The following ZFC3H1 variants were observed in gnomAD, a reference collection of about 807,000 sequenced individuals.
The protein encoded by ZFC3H1 is zinc finger C3H1-type containing.
In ZFC3H1, 71 loss-of-function variants were observed where a neutral mutation model predicts 243.7. That is an observed-to-expected ratio of 0.29 (90% confidence interval 0.24 to 0.36). The LOEUF is 0.36. ZFC3H1 is among the 10% of genes least tolerant of loss of function. ZFC3H1 has a pLI of 1.00. For missense variants in ZFC3H1, 1,966 were observed against 2,317.1 expected (o/e 0.85, Z 3.11); for synonymous variants, 838 against 813.0 (o/e 1.03, Z -0.52).
chr12:71,620,348 G>A lies in ZFC3H1; in HGVS notation c.4745-33C>T, dbSNP rs374671805. ...AAAACATCACAACAACATGAATCAC[G>A]TCAATCATAAAAATGAAATATTTGA... On this transcript the variant is annotated intron_variant, in intron 24 of 34. Transcript: ENST00000378743. 3.0e-5 allele frequency: 48 copies of A among 1,598,406 alleles called. No individual in the cohort carries two copies. In the South Asian group the frequency reaches 4.0e-4, roughly 13 times the overall value.
rs540794889 is a variant in ZFC3H1, at chr12:71,642,449, T to C, written c.1614A>G (p.Glu538=). 85 of 1,612,454 alleles carry C rather than the reference T, an allele frequency of 5.3e-5. No individual in the cohort carries two copies. The South Asian group carries it at 8.8e-4, about 17-fold the overall frequency. Reference sequence around the variant, plus strand: ...TTTGGCTCATACCTGGAGAACTGGTTTCACTATCTGTATCCATAGCAACTT... The same window carrying C: ...TTTGGCTCATACCTGGAGAACTGGTCTCACTATCTGTATCCATAGCAACTT... ...YEEVAMDTDS[E]TSSPAPSPVQ... The change falls in exon 6 of 35, where the codon GAA becomes GAG. Residue 538 remains glutamate (E), a synonymous_variant. Coordinates refer to ENST00000378743, the MANE Select transcript of ZFC3H1 (RefSeq NM_144982.5).
At chr12:71,661,180 G>A (rs895458868) in intron 1 of ZFC3H1, among the ~76,000 whole-genome samples, 5 of 151,876 alleles carry the variant, frequency 3.3e-5, no homozygotes, top group African/African-American at 1.2e-4. Flanking sequence ...GCGGGCGCCT[G>A]TAGTCCCAGC....
In ZFC3H1 at chr12:71,661,381, C is replaced by T. The variant is rs895477932; in HGVS notation, c.598+1632G>A. Among the ~76,000 whole-genome samples, 3 of 152,014 alleles carry T rather than the reference C, an allele frequency of 2.0e-5. 1 individual carries two copies. The highest frequency in any genetic ancestry group is 4.4e-5 in the Non-Finnish European group (3 of 67,990). On this transcript the variant is annotated intron_variant, in intron 1 of 34. Transcript: ENST00000378743. ...TTCTGGCTTTTGGATTCAAAATAGA[C>T]CACAAATCCATGGATTAAGAAACAC...
intron 12 of ZFC3H1, 80 bp downstream of exon 12, chr12:71,634,075 C>G: frequency 7.3e-7 from 1 of 1,371,542 alleles, no homozygotes; most frequent in Non-Finnish European, 9.9e-7. Flanking sequence ...TCTTATAGTA[C>G]GCTTATTAAT....
intron 1 of ZFC3H1, among the ~76,000 whole-genome samples, chr12:71,662,023 A>G (rs1881191478): frequency 1.3e-5 from 2 of 152,246 alleles, no homozygotes; most frequent in South Asian, 4.1e-4. Context: ...TATAATAACG[A>G]AATTAAAAAT....
chr12:71,653,060 C>T (rs765348045), intron 2 of ZFC3H1, among the ~76,000 whole-genome samples: 1 of 151,588 alleles, frequency 6.6e-6, no homozygotes, highest in African/African-American at 2.4e-5. Flanking sequence ...AGAAATCAAA[C>T]CCCCAAAGAC....
intron 1 of ZFC3H1, chr12:71,660,398 T>C (rs565053459): frequency 6.6e-6 from 1 of 152,222 alleles, no homozygotes; most frequent in South Asian, 2.1e-4. Flanking sequence ...GAGCAGGACA[T>C]CAAAACAAGC....
rs965625980 is a variant in ZFC3H1, at chr12:71,661,278, C to T, written c.598+1735G>A. On this transcript the variant is annotated intron_variant, in intron 1 of 34. Coordinates refer to ENST00000378743, the MANE Select transcript of ZFC3H1 (RefSeq NM_144982.5). ...TCACACCACTGCACTCCAGCCTGGGCGACAGAGCGAGACTCTGTCTCAAAA... is the reference window on the plus strand; with the variant it reads ...TCACACCACTGCACTCCAGCCTGGGTGACAGAGCGAGACTCTGTCTCAAAA... 2.0e-5 allele frequency among the ~76,000 whole-genome samples: 3 copies of T among 151,334 alleles called. No individual in the cohort carries two copies. In the South Asian group the frequency reaches 6.2e-4, roughly 32 times the overall value.
chr12:71,611,011 G>A, intron 33 of ZFC3H1, 47 bp downstream of exon 33: 1 of 1,561,856 alleles, frequency 6.4e-7, no homozygotes, highest in East Asian at 2.3e-5. Flanking sequence ...AAAAGAGACA[G>A]AAAAACTTTT....
At chr12:71,618,772 T>C (rs1402296796) in intron 27 of ZFC3H1, among the ~76,000 whole-genome samples, 1 of 152,188 alleles carries the variant, frequency 6.6e-6, no homozygotes, top group Non-Finnish European at 1.5e-5. Context: ...GACCTCTTAC[T>C]GTTGGAATAG....
intron 10 of ZFC3H1, among the ~76,000 whole-genome samples, chr12:71,635,113 T>G (rs982122244): frequency 3.3e-5 from 5 of 152,162 alleles, no homozygotes; most frequent in African/African-American, 1.2e-4. Flanking sequence ...AGAGAATACA[T>G]TTTAATAAAA....
intron 2 of ZFC3H1, among the ~76,000 whole-genome samples, chr12:71,656,159 CTGTT>C (rs1277948944): frequency 2.6e-5 from 4 of 152,078 alleles, no homozygotes; most frequent in Non-Finnish European, 2.9e-5. Context: ...CTTGGAGAAA[CTGTT>C]TGAGGTTGAT....
chr12:71,649,283 T>A (rs1006422527), intron 2 of ZFC3H1, among the ~76,000 whole-genome samples: 4 of 152,162 alleles, frequency 2.6e-5, no homozygotes, highest in African/African-American at 9.7e-5. Context: ...GTTCATTGCG[T>A]GTGTTATAAG....
chr12:71,642,367 G>A lies in ZFC3H1; in HGVS notation c.1627+69C>T, dbSNP rs572123228. On this transcript the variant is annotated intron_variant, in intron 6 of 34. Coordinates refer to ENST00000378743, the MANE Select transcript of ZFC3H1 (RefSeq NM_144982.5). ...CATTACACATTTCTTTAAAGGTTTTGAGTACCATAATGACTATTCTCTATT... is the reference window on the plus strand; with the variant it reads ...CATTACACATTTCTTTAAAGGTTTTAAGTACCATAATGACTATTCTCTATT... The A allele has an allele frequency of 2.7e-6, 4 of 1,492,416 alleles. No individual in the cohort carries two copies. The South Asian group carries it at 5.7e-5, about 21-fold the overall frequency. 92.4% of individuals were successfully genotyped at this position (1,492,416 alleles called of 1,614,324 possible). A position where few individuals can be genotyped will look rare whatever the true frequency, so the allele number is the denominator to read the frequency against.
chr12:71,651,840 A>G (rs1409834653), intron 2 of ZFC3H1, among the ~76,000 whole-genome samples: 1 of 152,236 alleles, frequency 6.6e-6, no homozygotes, highest in Non-Finnish European at 1.5e-5. Context: ...AGCAGAATAA[A>G]TAAAGCAAGG....
chr12:71,662,772 T>C (rs1881218945), intron 1 of ZFC3H1, among the ~76,000 whole-genome samples: 2 of 152,150 alleles, frequency 1.3e-5, no homozygotes, highest in South Asian at 4.1e-4. Context: ...GACTTAACTG[T>C]CTTAGATTTC....
In ZFC3H1 at chr12:71,644,289, T is replaced by C. The variant is rs1880673066; in HGVS notation, c.1309A>G (p.Lys437Glu). The C allele has an allele frequency of 6.2e-7, 1 of 1,613,452 alleles. No individual in the cohort carries two copies. ...AKQALRKQQTKAWKKLQQQKE... is the reference protein window; with the variant it reads ...AKQALRKQQTEAWKKLQQQKE... ...TGTTGTTGTAGTTTCTTCCATGCCT[T>C]TGTTTGCTGCTTCCTCAATGCTTGT... The change falls in exon 5 of 35, where the codon AAG (lysine) becomes GAG (glutamate). Residue 437 changes from lysine to glutamate, a missense_variant. Around this residue, in one of 4 missense-constraint regions of ZFC3H1, gnomAD observed 91 missense variants for 107.6 expected, o/e 0.85. Coordinates refer to ENST00000378743, the MANE Select transcript of ZFC3H1 (RefSeq NM_144982.5).
At chr12:71,647,886 A>AT in intron 2 of ZFC3H1, 73 bp from the exon 3 acceptor site, 1 of 563,088 alleles carries the variant, frequency 1.8e-6, no homozygotes, top group South Asian at 2.6e-5. Context: ...ATCCTATATA[A>AT]TATCTGGTAA....
intron 20 of ZFC3H1, 89 bp from the exon 21 acceptor site, chr12:71,628,023 A>G: frequency 1.6e-6 from 2 of 1,285,630 alleles, no homozygotes; most frequent in Non-Finnish European, 2.1e-6. Context: ...TCTTTAAAGT[A>G]ACTTAAAAAC....
Sources: gnomAD v4.1 joint callset for allele counts (sites outside exome capture counted in the v4.1 genomes callset) on GRCh38, gnomAD v4.1.1 for gene constraint, gnomAD v4.1.1 regional missense constraint, MANE v1.5 for transcripts, NCBI Gene and HGNC (gene_info 2026-07-23, HGNC 2026-07-21) for gene names.